ZBTB20: variants seen among roughly 807,000 people sequenced by gnomAD.
ZBTB20 encodes zinc finger and BTB domain containing 20, also known as zinc finger and BTB domain-containing protein 20.
ZBTB20 carries 9 observed loss-of-function variants against 56.9 expected under a neutral mutation model. The ratio of observed to expected loss-of-function variants is 0.16; its 90% CI spans 0.10 to 0.28. The LOEUF (loss-of-function observed/expected upper bound fraction) is 0.28, where lower values mean the gene tolerates loss of function less well. Ranked by LOEUF, ZBTB20 falls within the 10% of genes least tolerant of loss-of-function variation. ZBTB20 has a pLI of 1.00. For synonymous variants in ZBTB20, 417 were observed against 420.7 expected (o/e 0.99, Z 0.11); for missense variants, 655 against 1,003.0 (o/e 0.65, Z 4.69).
At chr3:114,754,854 T>C (rs890470482) in intron 5 of ZBTB20, among the ~76,000 whole-genome samples, 2 of 152,228 alleles carry the variant, frequency 1.3e-5, no homozygotes, top group African/African-American at 2.4e-5. Context: ...TTATTGAGTA[T>C]GTATTAGTGT....
chr3:114,420,058 G>C (rs529847578), intron 7 of ZBTB20, among the ~76,000 whole-genome samples: 2 of 152,118 alleles, frequency 1.3e-5, no homozygotes, highest in African/African-American at 4.8e-5. Flanking sequence ...AACTTAAAAA[G>C]AGCAACAGAC....
intron 6 of ZBTB20, among the ~76,000 whole-genome samples, chr3:114,562,488 TTTCTCCATATCAACAA>T (rs777749762): frequency 5.1e-4 from 78 of 152,272 alleles, no homozygotes; most frequent in Non-Finnish European, 8.8e-4. Flanking sequence ...CCACTAAAAC[TTTCTCCATATCAACAA>T]TAAGGTTGCT....
intron 7 of ZBTB20, among the ~76,000 whole-genome samples, chr3:114,499,606 A>C (rs1338493106): frequency 6.6e-6 from 1 of 152,170 alleles, no homozygotes. Context: ...GACTTTGATT[A>C]TTTGGGTTCA....
chr3:114,604,988 A>G (rs768563911), intron 6 of ZBTB20, among the ~76,000 whole-genome samples: 3 of 151,964 alleles, frequency 2.0e-5, no homozygotes, highest in Non-Finnish European at 4.4e-5. Context: ...GTTTTTAAAA[A>G]TAAGTAAAAT....
At chr3:114,398,867 A>C (rs994891188) in intron 7 of ZBTB20, among the ~76,000 whole-genome samples, 3 of 152,168 alleles carry the variant, frequency 2.0e-5, no homozygotes, top group Non-Finnish European at 4.4e-5. Context: ...TCCAAATTCT[A>C]TCTCTTTGAA....
chr3:114,883,637 G>A (rs1370662037), intron 4 of ZBTB20, among the ~76,000 whole-genome samples: 2 of 152,086 alleles, frequency 1.3e-5, no homozygotes, highest in African/African-American at 4.8e-5. Context: ...TTTTTAATTT[G>A]TGGTACTTGA....
At chr3:114,534,954 CAT>C (rs1462602543) in intron 6 of ZBTB20, among the ~76,000 whole-genome samples, 3 of 152,142 alleles carry the variant, frequency 2.0e-5, no homozygotes, top group African/African-American at 7.2e-5. Flanking sequence ...AGAACAAAGA[CAT>C]AATGTACCAG....
intron 2 of ZBTB20, among the ~76,000 whole-genome samples, chr3:114,992,580 C>G (rs967220939): frequency 2.0e-5 from 3 of 151,744 alleles, no homozygotes; most frequent in Admixed American, 1.3e-4. Context: ...CCCTAGAGCA[C>G]CATAGCCACA....
At chr3:114,958,545 C>T (rs752616286) in intron 3 of ZBTB20, among the ~76,000 whole-genome samples, 25 of 152,034 alleles carry the variant, frequency 1.6e-4, no homozygotes, top group African/African-American at 5.8e-4. Flanking sequence ...CTTTCCCTAG[C>T]TTGAAATAAT....
chr3:114,565,105 T>G (rs928469680), intron 6 of ZBTB20, among the ~76,000 whole-genome samples: 2 of 152,212 alleles, frequency 1.3e-5, no homozygotes, highest in African/African-American at 4.8e-5. Flanking sequence ...AGGACCATCT[T>G]TATGCTGATA....
intron 3 of ZBTB20, among the ~76,000 whole-genome samples, chr3:114,953,600 C>G (rs1182841124): frequency 6.6e-6 from 1 of 151,866 alleles, no homozygotes; most frequent in African/African-American, 2.4e-5. Context: ...AGTGAAGAAA[C>G]CTGCCAGTGA....
intron 6 of ZBTB20, among the ~76,000 whole-genome samples, chr3:114,625,869 AT>A (rs993570061): frequency 6.6e-6 from 1 of 152,200 alleles, no homozygotes; most frequent in African/African-American, 2.4e-5. Flanking sequence ...AGTGATAGAC[AT>A]TTTGTTTCAG....
intron 1 of ZBTB20, among the ~76,000 whole-genome samples, chr3:115,076,564 T>TA (rs2082602187): frequency 6.6e-6 from 1 of 152,136 alleles, no homozygotes; most frequent in African/African-American, 2.4e-5. Context: ...ATTAAAGACT[T>TA]AAATGTAAGA....
intron 6 of ZBTB20, among the ~76,000 whole-genome samples, chr3:114,657,330 T>C (rs2060470718): frequency 6.6e-6 from 1 of 152,218 alleles, no homozygotes; most frequent in Non-Finnish European, 1.5e-5. Flanking sequence ...GGTTTGATCC[T>C]TCTGGGATTC....
chr3:115,098,231 C>T (rs113231842), intron 1 of ZBTB20, among the ~76,000 whole-genome samples: 8 of 152,242 alleles, frequency 5.3e-5, no homozygotes, highest in African/African-American at 1.9e-4. Context: ...GATATCGCCA[C>T]TGTATGTGTG....
chr3:114,517,554 C>T (rs1014951412), intron 6 of ZBTB20, among the ~76,000 whole-genome samples: 1 of 151,782 alleles, frequency 6.6e-6, no homozygotes, highest in African/African-American at 2.4e-5. Flanking sequence ...GTTTCTTAGT[C>T]AGTTCGTCAG....
chr3:114,393,882 C>G (rs529105032), intron 7 of ZBTB20, among the ~76,000 whole-genome samples: 16 of 152,224 alleles, frequency 1.1e-4, no homozygotes, highest in African/African-American at 3.4e-4. Flanking sequence ...CTCTACAGCC[C>G]GTTTCATTGT....
intron 7 of ZBTB20, among the ~76,000 whole-genome samples, chr3:114,389,475 T>G (rs896689398): frequency 6.6e-6 from 1 of 152,070 alleles, no homozygotes; most frequent in African/African-American, 2.4e-5. Context: ...CTTTTCTTTT[T>G]TTTTTCATTT....
At chr3:114,681,351 G>A (rs1459404616) in intron 6 of ZBTB20, among the ~76,000 whole-genome samples, 1 of 152,086 alleles carries the variant, frequency 6.6e-6, no homozygotes, top group African/African-American at 2.4e-5. Flanking sequence ...AGTAGAGTTG[G>A]GGTTTTGCCA....
Sources: gnomAD v4.1 joint callset for allele counts (sites outside exome capture counted in the v4.1 genomes callset) on GRCh38, gnomAD v4.1.1 for gene constraint, MANE v1.5 for transcripts, NCBI Gene and HGNC (gene_info 2026-07-23, HGNC 2026-07-21) for gene names.